Variants in SHISA9 observed in about 807,000 individuals in gnomAD.
The protein encoded by SHISA9 is shisa family member 9, also known as protein shisa-9.
In SHISA9, 13 loss-of-function variants were observed where a neutral mutation model predicts 38.0. The ratio of observed to expected loss-of-function variants is 0.34; its 90% CI spans 0.22 to 0.54. The LOEUF (loss-of-function observed/expected upper bound fraction) is 0.54. Among genes scored for constraint, SHISA9 ranks in the 20% least tolerant of loss-of-function variants. The pLI, the probability that SHISA9 is intolerant of heterozygous loss-of-function variation, is 0.91. For missense variants in SHISA9, 538 were observed against 575.8 expected (o/e 0.93, Z 0.67); for synonymous variants, 275 against 242.0 (o/e 1.14, Z -1.27).
chr16:13,128,788 C>T (rs1005148295), intron 2 of SHISA9, among the ~76,000 whole-genome samples: 3 of 152,246 alleles, frequency 2.0e-5, no homozygotes, highest in East Asian at 3.9e-4. Context: ...TTTTGGTTCT[C>T]CTCATGCTGT....
the SHISA9 span, among the ~76,000 whole-genome samples, chr16:13,547,004 T>A: frequency 5.9e-5 from 9 of 152,334 alleles, no homozygotes; most frequent in East Asian, 1.3e-3. Context: ...AACATTCATC[T>A]CTTCTATCTT....
the SHISA9 span, among the ~76,000 whole-genome samples, chr16:13,526,896 A>G: frequency 6.6e-6 from 1 of 152,194 alleles, no homozygotes; most frequent in Admixed American, 6.5e-5. Context: ...TAAAGGAAGG[A>G]GAAAAAGTCC....
intron 4 of SHISA9, among the ~76,000 whole-genome samples, chr16:13,213,608 G>T (rs565803522): frequency 6.6e-6 from 1 of 152,260 alleles, no homozygotes; most frequent in African/African-American, 2.4e-5. Flanking sequence ...TCAGAAAGCT[G>T]CAATGGCAAA....
intron 2 of SHISA9, among the ~76,000 whole-genome samples, chr16:13,082,720 A>G (rs1192057085): frequency 6.6e-6 from 1 of 152,160 alleles, no homozygotes; most frequent in Non-Finnish European, 1.5e-5. Context: ...AATGGGGAGA[A>G]TGGATACTGG....
At chr16:13,147,810 GT>G in intron 2 of SHISA9, among the ~76,000 whole-genome samples, 1 of 152,046 alleles carries the variant, frequency 6.6e-6, no homozygotes, top group Non-Finnish European at 1.5e-5. Flanking sequence ...AGGCTTTATG[GT>G]TTTTCTTTTT....
intron 2 of SHISA9, among the ~76,000 whole-genome samples, chr16:13,130,639 A>C (rs1343388434): frequency 6.6e-6 from 1 of 151,712 alleles, no homozygotes; most frequent in Non-Finnish European, 1.5e-5. Context: ...GTTTAAAAAA[A>C]TCTTCTGCAA....
intron 1 of SHISA9, chr16:12,911,187 A>C (rs1238002939): frequency 1.1e-6 from 1 of 910,096 alleles, no homozygotes; most frequent in Non-Finnish European, 1.3e-6. Flanking sequence ...GCACGATCTC[A>C]GGCCCCACCT....
rs532325399 is a variant in SHISA9, at chr16:13,105,716, C to A, written c.692-97678C>A. On this transcript the variant is annotated intron_variant, in intron 2 of 4. Transcript: ENST00000558583. The stretch of plus-strand genomic sequence containing the variant: ...AGTTGCTTGTGCTGTCAGGGAGAAT[C>A]AAGCTCATCTGCTGAGGAGAGCTGC... 3.9e-5 allele frequency among the ~76,000 whole-genome samples: 6 copies of A among 152,314 alleles called. No individual in the cohort carries two copies. The South Asian group carries it at 1.2e-3, about 32-fold the overall frequency.
At chr16:13,340,439 C>G in the SHISA9 span, among the ~76,000 whole-genome samples, 3 of 151,080 alleles carry the variant, frequency 2.0e-5, no homozygotes, top group African/African-American at 7.3e-5. Context: ...TTTGAAAACT[C>G]CCCTTGAGGT....
chr16:12,981,779 GGACTCTAACCCCATAT>G (rs1300740924), intron 2 of SHISA9, among the ~76,000 whole-genome samples: 1 of 152,084 alleles, frequency 6.6e-6, no homozygotes, highest in Non-Finnish European at 1.5e-5. Flanking sequence ...TCATATGGGT[GGACTCTAACCCCATAT>G]GACTGGTATC....
chr16:13,253,999 A>G, the SHISA9 span, among the ~76,000 whole-genome samples: 1 of 152,156 alleles, frequency 6.6e-6, no homozygotes, highest in East Asian at 1.9e-4. Context: ...ATCAGAACTT[A>G]ACAAAAATTC....
rs1355408607 is a variant in SHISA9 at position 13,239,323 on chromosome 16, A to C, written c.*3914A>C. ...CGTGTGCATGTGTCTTTATAGCAGCATGATTTATAGTCCTTTGGGTATATA... is the reference window on the plus strand; with the variant it reads ...CGTGTGCATGTGTCTTTATAGCAGCCTGATTTATAGTCCTTTGGGTATATA... On this transcript the variant is annotated 3_prime_UTR_variant, in exon 5 of 5. Transcript: ENST00000558583. 1 of 151,248 alleles carries C rather than the reference A, an allele frequency of 6.6e-6. No homozygotes were observed. Among genetic ancestry groups the C allele is most frequent in the East Asian group, 2.0e-4 (1 of 5,128 alleles). 9.4% of individuals were successfully genotyped at this position (151,248 alleles called of 1,614,324 possible).
chr16:13,455,933 A>G, the SHISA9 span, among the ~76,000 whole-genome samples: 3 of 152,142 alleles, frequency 2.0e-5, no homozygotes, highest in African/African-American at 7.2e-5. Context: ...GTTTAGAGAT[A>G]TTTCTTGTGG....
intron 2 of SHISA9, among the ~76,000 whole-genome samples, chr16:13,163,324 C>G (rs1260433987): frequency 1.3e-5 from 2 of 152,166 alleles, no homozygotes. Context: ...TTTAACATCT[C>G]TAAGCCAACT....
At chr16:13,123,244 T>G (rs2050229179) in intron 2 of SHISA9, among the ~76,000 whole-genome samples, 1 of 152,194 alleles carries the variant, frequency 6.6e-6, no homozygotes, top group Non-Finnish European at 1.5e-5. Context: ...ATATGGCCAA[T>G]TTGATTTTCT....
At chr16:13,176,368 G>T (rs968090384) in intron 2 of SHISA9, among the ~76,000 whole-genome samples, 6 of 152,048 alleles carry the variant, frequency 3.9e-5, no homozygotes, top group Non-Finnish European at 7.4e-5. Context: ...TAATCTCTTT[G>T]GTCTCTGATC....
chr16:13,350,741 T>C, the SHISA9 span: 2 of 152,192 alleles, frequency 1.3e-5, no homozygotes, highest in African/African-American at 4.8e-5. Context: ...TTTCAAAGTA[T>C]TTTTGCAAAG....
At position 13,238,054 on chromosome 16, in the gene SHISA9, G is replaced by A. The variant is rs1347634084; in HGVS notation, c.*2645G>A. The A allele has an allele frequency of 6.6e-6, 1 of 152,308 alleles. No homozygotes were observed. Among genetic ancestry groups the A allele is most frequent in the East Asian group, 1.9e-4 (1 of 5,178 alleles). 9.4% of individuals were successfully genotyped at this position (152,308 alleles called of 1,614,324 possible). On this transcript the variant is annotated 3_prime_UTR_variant, in exon 5 of 5. Transcript: ENST00000558583. ...AAGTACAAAGGAAACAAGCAGCGAT[G>A]ATTAAATTCCAGCTGGAGTCTGTTG... is the stretch of plus-strand genomic sequence containing the variant.
At chr16:12,918,476 CAA>C (rs1323386276) in intron 2 of SHISA9, among the ~76,000 whole-genome samples, 3 of 152,204 alleles carry the variant, frequency 2.0e-5, no homozygotes, top group Non-Finnish European at 4.4e-5. Context: ...AATGAAATAA[CAA>C]ACTCATTGAA....
Sources: gnomAD v4.1 joint callset for allele counts (sites outside exome capture counted in the v4.1 genomes callset) on GRCh38, gnomAD v4.1.1 for gene constraint, MANE v1.5 for transcripts, NCBI Gene and HGNC (gene_info 2026-07-23, HGNC 2026-07-21) for gene names.